The following CHSY3 variants were observed in gnomAD, a reference collection of about 807,000 sequenced individuals.
CHSY3 encodes N-acetylgalactosaminyl-proteoglycan 3-beta-glucuronosyltransferase 3.
Under a neutral mutation model 67.2 loss-of-function variants are expected in CHSY3, and 35 were observed. That is an observed-to-expected ratio of 0.52 (90% CI 0.40 to 0.69). The LOEUF is 0.69. Among genes scored for constraint, CHSY3 ranks in the 30% least tolerant of loss-of-function variants. The pLI is 0.00. For missense variants in CHSY3, 1,069 were observed against 1,138.5 expected (o/e 0.94, Z 0.88); for synonymous variants, 474 against 434.7 (o/e 1.09, Z -1.12).
chr5:130,021,979 A>G (rs1256183336), intron 2 of CHSY3, among the ~76,000 whole-genome samples: 9 of 152,068 alleles, frequency 5.9e-5, no homozygotes, highest in African/African-American at 2.2e-4. Context: ...TACAGGACTA[A>G]TTAACTGAAA....
chr5:130,146,404 T>A (rs929858893), intron 2 of CHSY3, among the ~76,000 whole-genome samples: 1 of 152,000 alleles, frequency 6.6e-6, no homozygotes, highest in African/African-American at 2.4e-5. Flanking sequence ...AAAGAAAAGA[T>A]GTTATCAAAC....
At chr5:130,067,423 A>T (rs1008907806) in intron 2 of CHSY3, among the ~76,000 whole-genome samples, 4 of 152,148 alleles carry the variant, frequency 2.6e-5, no homozygotes, top group Non-Finnish European at 5.9e-5. Context: ...TTTCTAATTG[A>T]ATGCCTCTTT....
intron 2 of CHSY3, among the ~76,000 whole-genome samples, chr5:130,078,493 T>A (rs894413274): frequency 2.0e-5 from 3 of 152,140 alleles, no homozygotes; most frequent in Admixed American, 6.6e-5. Context: ...GAATCATTTT[T>A]AAAATATTTT....
chr5:130,119,692 AATTAATT>A (rs1767942953), intron 2 of CHSY3, among the ~76,000 whole-genome samples: 1 of 152,122 alleles, frequency 6.6e-6, no homozygotes, highest in South Asian at 2.1e-4. Flanking sequence ...CAGGATCAAT[AATTAATT>A]ATTGAGTAAT....
At position 129,904,539 on chromosome 5, in the gene CHSY3, C is replaced by T. The variant is rs33918; in HGVS notation, c.-291C>T. 210,407 of 326,628 alleles carry T rather than the reference C, an allele frequency of 0.64. 68,177 individuals carry two copies. Among genetic ancestry groups the T allele is most frequent in the Non-Finnish European group, 0.67 (126,287 of 189,016 alleles). 20.2% of individuals were successfully genotyped at this position (326,628 alleles called of 1,614,324 possible). A position where few individuals can be genotyped will look rare whatever the true frequency, so the allele number is the denominator to read the frequency against. ...CCTCCTCCTCCTCCTGCAGCTCCTC[C>T]AGCTGCCGCTGCTGCCGCCGCTGCC... is the stretch of plus-strand genomic sequence containing the variant. On this transcript the variant is annotated 5_prime_UTR_variant, in exon 1 of 3. Transcript: ENST00000305031.
chr5:130,101,350 C>G (rs1237791702), intron 2 of CHSY3, among the ~76,000 whole-genome samples: 1 of 152,086 alleles, frequency 6.6e-6, no homozygotes, highest in African/African-American at 2.4e-5. Flanking sequence ...ATTGATTCAG[C>G]AGTTATTACA....
intron 2 of CHSY3, among the ~76,000 whole-genome samples, chr5:130,106,866 G>C (rs1429455129): frequency 6.6e-6 from 1 of 151,542 alleles, no homozygotes; most frequent in Non-Finnish European, 1.5e-5. Flanking sequence ...AAACAATCCA[G>C]GAATGCTAAG....
At chr5:130,084,086 C>T (rs1450803181) in intron 2 of CHSY3, among the ~76,000 whole-genome samples, 1 of 151,872 alleles carries the variant, frequency 6.6e-6, no homozygotes, top group African/African-American at 2.4e-5. Context: ...AGTTTTCTGT[C>T]GTCTGAGGGA....
intron 2 of CHSY3, among the ~76,000 whole-genome samples, chr5:130,044,019 G>A (rs992560497): frequency 1.3e-5 from 2 of 152,100 alleles, no homozygotes; most frequent in African/African-American, 4.8e-5. Context: ...CAGCCGAATG[G>A]AGTCTGAAGC....
chr5:129,929,319 G>A (rs921323803), intron 2 of CHSY3, among the ~76,000 whole-genome samples: 1 of 152,210 alleles, frequency 6.6e-6, no homozygotes, highest in Non-Finnish European at 1.5e-5. Context: ...GGAAAAATAT[G>A]TAAGAATAAA....
intron 2 of CHSY3, among the ~76,000 whole-genome samples, chr5:130,179,081 G>T (rs1466085967): frequency 6.6e-6 from 1 of 152,124 alleles, no homozygotes; most frequent in Non-Finnish European, 1.5e-5. Context: ...TCCCTTTAAA[G>T]ATTCACTTTA....
intron 2 of CHSY3, among the ~76,000 whole-genome samples, chr5:130,182,662 T>C (rs1770283422): frequency 2.6e-5 from 4 of 152,134 alleles, no homozygotes; most frequent in Admixed American, 2.6e-4. Flanking sequence ...AGGTCATCCA[T>C]TGTAGGATGT....
intron 2 of CHSY3, among the ~76,000 whole-genome samples, chr5:130,176,664 T>TA (rs1055028332): frequency 4.4e-4 from 67 of 152,122 alleles, no homozygotes; most frequent in Admixed American, 4.3e-3. Flanking sequence ...TATGCAGCCA[T>TA]AAAAAAGGAT....
intron 2 of CHSY3, among the ~76,000 whole-genome samples, chr5:130,087,055 G>C (rs1299238565): frequency 1.3e-5 from 2 of 152,164 alleles, no homozygotes; most frequent in Non-Finnish European, 2.9e-5. Context: ...ATGCAAGGCT[G>C]TTTCAATATA....
chr5:130,160,016 G>T (rs1157595586), intron 2 of CHSY3, among the ~76,000 whole-genome samples: 1 of 152,142 alleles, frequency 6.6e-6, no homozygotes, highest in Non-Finnish European at 1.5e-5. Flanking sequence ...TACAGAAAAA[G>T]AAAGCATATG....
chr5:129,979,885 A>G (rs1762932597), intron 2 of CHSY3, among the ~76,000 whole-genome samples: 1 of 152,208 alleles, frequency 6.6e-6, no homozygotes, highest in Admixed American at 6.5e-5. Flanking sequence ...TCACTTAATA[A>G]TGTGCATTTA....
intron 2 of CHSY3, among the ~76,000 whole-genome samples, chr5:130,060,362 C>T (rs562953939): frequency 6.6e-6 from 1 of 152,232 alleles, no homozygotes; most frequent in South Asian, 2.1e-4. Flanking sequence ...TAAAGTCCAA[C>T]ATTTCTTCAT....
intron 2 of CHSY3, among the ~76,000 whole-genome samples, chr5:130,122,052 C>T (rs189012776): frequency 1.6e-4 from 24 of 152,274 alleles, no homozygotes; most frequent in Non-Finnish European, 2.2e-4. Flanking sequence ...AATTAGGTGA[C>T]CCCATGCTCC....
At chr5:130,162,131 T>C (rs779215786) in intron 2 of CHSY3, among the ~76,000 whole-genome samples, 2 of 151,924 alleles carry the variant, frequency 1.3e-5, no homozygotes, top group Non-Finnish European at 2.9e-5. Flanking sequence ...TCAATTAATT[T>C]TACCCCTCAA....
Sources: allele counts gnomAD v4.1 joint callset (sites outside exome capture counted in the v4.1 genomes callset), GRCh38; gene constraint gnomAD v4.1.1; transcripts MANE v1.5; gene names NCBI Gene and HGNC (gene_info 2026-07-23, HGNC 2026-07-21).